FHIP1A: variants seen among roughly 807,000 people sequenced by gnomAD.
FHIP1A encodes the protein FHF complex subunit HOOK interacting protein 1A, also known as FHF complex subunit HOOK-interacting protein 1A.
A neutral mutation model predicts 88.6 loss-of-function variants in FHIP1A; 61 were observed. That is an observed-to-expected ratio of 0.69 (90% CI 0.56 to 0.85). FHIP1A has a LOEUF of 0.85. Among genes scored for constraint, FHIP1A ranks in the 40% least tolerant of loss-of-function variants. The pLI, the probability that FHIP1A is intolerant of heterozygous loss-of-function variation, is 0.00. For missense variants in FHIP1A, 1,154 were observed against 1,273.5 expected (o/e 0.91, Z 1.43); for synonymous variants, 478 against 496.0 (o/e 0.96, Z 0.48).
intron 3 of FHIP1A, among the ~76,000 whole-genome samples, chr4:151,496,672 T>G (rs560027591): frequency 6.6e-6 from 1 of 150,932 alleles, no homozygotes; most frequent in Non-Finnish European, 1.5e-5. Context: ...CCCATCTCAG[T>G]CACTCTAGTA....
In FHIP1A at chr4:151,482,588, T is replaced by A. The variant is rs1264804709; in HGVS notation, c.-183T>A. On this transcript the variant is annotated 5_prime_UTR_variant, in exon 3 of 14. Coordinates refer to ENST00000435205, the MANE Select transcript of FHIP1A (RefSeq NM_001109977.3). ...AATGTTAGAAAAATCTTTCCGCTCCTCTGAAGAGTGAAGTGAGCAAATACA... is the reference window on the plus strand; with the variant it reads ...AATGTTAGAAAAATCTTTCCGCTCCACTGAAGAGTGAAGTGAGCAAATACA... 1.3e-5 allele frequency: 2 copies of A among 152,118 alleles called. No individual in the cohort carries two copies. The highest frequency in any genetic ancestry group is 2.9e-5 in the Non-Finnish European group (2 of 67,980). 9.4% of individuals were successfully genotyped at this position (152,118 alleles called of 1,614,324 possible). A position where few individuals can be genotyped will look rare whatever the true frequency, so the allele number is the denominator to read the frequency against.
chr4:151,425,421 A>G (rs1018318940), intron 1 of FHIP1A, among the ~76,000 whole-genome samples: 7 of 152,184 alleles, frequency 4.6e-5, no homozygotes, highest in Admixed American at 4.6e-4. Context: ...TAAATCATCA[A>G]CCCTAAAGTT....
At chr4:151,591,658 G>T (rs1234083964) in intron 7 of FHIP1A, among the ~76,000 whole-genome samples, 1 of 152,112 alleles carries the variant, frequency 6.6e-6, no homozygotes, top group Non-Finnish European at 1.5e-5. Context: ...CTGTGTCCAT[G>T]TGTTCTCGTT....
intron 8 of FHIP1A, among the ~76,000 whole-genome samples, chr4:151,632,009 A>G (rs1736175016): frequency 6.6e-6 from 1 of 152,134 alleles, no homozygotes; most frequent in Non-Finnish European, 1.5e-5. Context: ...AACTGGCTAA[A>G]TAGATTAAAA....
chr4:151,546,775 A>C (rs1043160103), intron 3 of FHIP1A, among the ~76,000 whole-genome samples: 5 of 152,244 alleles, frequency 3.3e-5, no homozygotes, highest in African/African-American at 1.2e-4. Context: ...CACACGCAAC[A>C]TGTTAAAGAA....
intron 7 of FHIP1A, among the ~76,000 whole-genome samples, chr4:151,599,905 C>T (rs1734798301): frequency 6.6e-6 from 1 of 152,138 alleles, no homozygotes; most frequent in South Asian, 2.1e-4. Flanking sequence ...AAATGGACCC[C>T]TAATGCATGG....
At chr4:151,445,069 A>G (rs1728542961) in intron 1 of FHIP1A, among the ~76,000 whole-genome samples, 3 of 152,116 alleles carry the variant, frequency 2.0e-5, no homozygotes, top group East Asian at 1.9e-4. Context: ...GTTTCCTACA[A>G]CTTCTATCTG....
chr4:151,466,953 T>C (rs1034410796), intron 2 of FHIP1A, among the ~76,000 whole-genome samples: 5 of 152,106 alleles, frequency 3.3e-5, no homozygotes, highest in African/African-American at 1.2e-4. Flanking sequence ...CAAAAGCAAT[T>C]GCAACAAAAG....
chr4:151,435,087 A>G (rs1213920534), intron 1 of FHIP1A, among the ~76,000 whole-genome samples: 1 of 152,182 alleles, frequency 6.6e-6, no homozygotes, highest in Non-Finnish European at 1.5e-5. Flanking sequence ...ATAACCTCAA[A>G]CATTTATCTT....
intron 7 of FHIP1A, among the ~76,000 whole-genome samples, chr4:151,626,518 T>A (rs1735956607): frequency 6.6e-6 from 1 of 152,224 alleles, no homozygotes; most frequent in African/African-American, 2.4e-5. Flanking sequence ...TTAGGGATAA[T>A]TACTCATTTG....
Position 151,656,888 on chromosome 4 carries a change from A to G in FHIP1A, c.2859A>G (p.Ala953=). ...RVDMSDMTPA[A]LTKDPIQEAS... is the part of the protein sequence containing the mutation. ...ACATGTCTGATATGACCCCTGCAGC[A>G]CTAACCAAAGGTAAGCCAGGTTTCT... The change falls in exon 13 of 14, where the codon GCA becomes GCG. Residue 953 remains alanine (A), a synonymous_variant. Transcript: ENST00000435205. This position sits in a 1 kb window ranked among gnomAD's most constrained non-coding sequence, Gnocchi z 4.2. 1 of 1,550,612 alleles carries G rather than the reference A, an allele frequency of 6.4e-7. No individual in the cohort carries two copies.
intron 3 of FHIP1A, among the ~76,000 whole-genome samples, chr4:151,521,717 G>T (rs62329064): frequency 6.2e-5 from 6 of 97,328 alleles, no homozygotes; most frequent in African/African-American, 1.9e-4. Context: ...ATGTATGTAT[G>T]TATGTATTTT....
At chr4:151,609,583 T>TC (rs397774225) in intron 7 of FHIP1A, among the ~76,000 whole-genome samples, 2 of 152,112 alleles carry the variant, frequency 1.3e-5, no homozygotes, top group Non-Finnish European at 2.9e-5. Context: ...TTCTTTTTTT[T>TC]TAAAGAATAT....
At chr4:151,585,006 G>A (rs1734156859) in intron 5 of FHIP1A, among the ~76,000 whole-genome samples, 1 of 152,056 alleles carries the variant, frequency 6.6e-6, no homozygotes, top group South Asian at 2.1e-4. Context: ...TGTATTCTGA[G>A]CATTTCTAAC....
intron 2 of FHIP1A, among the ~76,000 whole-genome samples, chr4:151,476,848 CAAT>C (rs1729725813): frequency 1.3e-5 from 2 of 151,254 alleles, no homozygotes; most frequent in South Asian, 4.2e-4. Context: ...TATATGCTAA[CAAT>C]AACCAGTTAG....
At chr4:151,476,009 C>T (rs931095903) in intron 2 of FHIP1A, among the ~76,000 whole-genome samples, 1 of 150,520 alleles carries the variant, frequency 6.6e-6, no homozygotes, top group Non-Finnish European at 1.5e-5. Context: ...CTACAGGTGC[C>T]CACCATCGCA....
chr4:151,463,738 C>A (rs1333418237), intron 2 of FHIP1A, among the ~76,000 whole-genome samples: 1 of 152,150 alleles, frequency 6.6e-6, no homozygotes, highest in South Asian at 2.1e-4. Context: ...ATGACAATAC[C>A]GAGCATGTGG....
chr4:151,535,425 A>T (rs560714266), intron 3 of FHIP1A, among the ~76,000 whole-genome samples: 35 of 152,368 alleles, frequency 2.3e-4, no homozygotes, highest in Middle Eastern at 6.8e-3. Context: ...GGAATTTAGA[A>T]TATACAGATA....
At chr4:151,424,140 C>T (rs889592526) in intron 1 of FHIP1A, among the ~76,000 whole-genome samples, 2 of 152,106 alleles carry the variant, frequency 1.3e-5, no homozygotes, top group Admixed American at 1.3e-4. Flanking sequence ...CAGAGATCAC[C>T]CAGAAAGAAT....
Sources: allele counts gnomAD v4.1 joint callset (sites outside exome capture counted in the v4.1 genomes callset), GRCh38; gene constraint gnomAD v4.1.1; non-coding constraint Gnocchi (gnomAD v3.1); transcripts MANE v1.5; gene names NCBI Gene and HGNC (gene_info 2026-07-23, HGNC 2026-07-21).